The following NRCAM variants were observed in gnomAD, a reference collection of about 807,000 sequenced individuals.
NRCAM encodes neuronal cell adhesion molecule.
In NRCAM, 83 loss-of-function variants were observed where a neutral mutation model predicts 156.5. The ratio of observed to expected loss-of-function variants is 0.53; its 90% CI spans 0.44 to 0.64. The LOEUF is 0.64. Among genes scored for constraint, NRCAM ranks in the 30% least tolerant of loss-of-function variants. The pLI is 0.00. For missense variants in NRCAM, 1,417 were observed against 1,597.3 expected (o/e 0.89, Z 1.92); for synonymous variants, 538 against 563.9 (o/e 0.95, Z 0.65).
At chr7:108,414,103 G>A (rs1798651027) in intron 1 of NRCAM, among the ~76,000 whole-genome samples, 1 of 152,190 alleles carries the variant, frequency 6.6e-6, no homozygotes, top group Non-Finnish European at 1.5e-5. Context: ...GAGGGTCATG[G>A]TAACATAATC....
In NRCAM at chr7:108,342,861, A is replaced by T. The variant is rs553447563; in HGVS notation, c.-173-30130T>A. ...TGAATGGCATACTCACTGCTAAAGG[A>T]GACTTGTGGCTGTCAGACAACCGTT... On this transcript the variant is annotated intron_variant, in intron 2 of 32. Coordinates refer to ENST00000379028, the MANE Select transcript of NRCAM (RefSeq NM_001037132.4). Among the ~76,000 whole-genome samples the T allele has an allele frequency of 2.0e-5, 3 of 152,330 alleles. No homozygotes were observed. In the South Asian group the frequency reaches 6.2e-4, roughly 32 times the overall value.
At chr7:108,199,844 G>A (rs114375584) in intron 13 of NRCAM, among the ~76,000 whole-genome samples, 13 of 152,204 alleles carry the variant, frequency 8.5e-5, no homozygotes, top group African/African-American at 2.4e-4. Flanking sequence ...ACATCATGGC[G>A]GGGTGGGGTA....
At chr7:108,439,669 T>C (rs985145035) in intron 1 of NRCAM, among the ~76,000 whole-genome samples, 3 of 151,834 alleles carry the variant, frequency 2.0e-5, no homozygotes, top group Non-Finnish European at 2.9e-5. Flanking sequence ...AGCCTATCTC[T>C]ACTAAAAATA....
chr7:108,311,083 C>T (rs1193352981), intron 3 of NRCAM, among the ~76,000 whole-genome samples: 3 of 152,294 alleles, frequency 2.0e-5, no homozygotes, highest in East Asian at 3.9e-4. Flanking sequence ...TAAAAGGGCA[C>T]CATGTACTTC....
At chr7:108,306,197 A>G (rs1431549666) in intron 3 of NRCAM, among the ~76,000 whole-genome samples, 8 of 152,220 alleles carry the variant, frequency 5.3e-5, no homozygotes, top group Non-Finnish European at 1.2e-4. Flanking sequence ...TCTTAAAAAT[A>G]TCAAAATGCC....
chr7:108,319,086 T>C (rs578070967), intron 2 of NRCAM, among the ~76,000 whole-genome samples: 2 of 152,172 alleles, frequency 1.3e-5, no homozygotes, highest in Non-Finnish European at 2.9e-5. Flanking sequence ...ACAATATAAA[T>C]GTACTTAATG....
chr7:108,397,098 T>G (rs1449807747), intron 2 of NRCAM, among the ~76,000 whole-genome samples: 1 of 152,102 alleles, frequency 6.6e-6, no homozygotes, highest in Non-Finnish European at 1.5e-5. Flanking sequence ...CAATAAAGAT[T>G]TAGAATAAGA....
At chr7:108,205,758 G>C (rs2080809782) in intron 13 of NRCAM, among the ~76,000 whole-genome samples, 1 of 152,036 alleles carries the variant, frequency 6.6e-6, no homozygotes, top group Non-Finnish European at 1.5e-5. Context: ...CTAATTTTTT[G>C]TTGATTTTTT....
intron 24 of NRCAM, 51 bp downstream of exon 24, chr7:108,181,771 T>C (rs760209387): frequency 2.4e-6 from 3 of 1,269,960 alleles, no homozygotes; most frequent in Non-Finnish European, 3.4e-6. Flanking sequence ...ACAAGTGGCA[T>C]TCGCTGCAGC....
chr7:108,352,720 G>A (rs887818907), intron 2 of NRCAM, among the ~76,000 whole-genome samples: 1 of 151,742 alleles, frequency 6.6e-6, no homozygotes, highest in African/African-American at 2.4e-5. Context: ...TCCCACTTGG[G>A]GGAAAAAAAT....
At chr7:108,392,948 C>T (rs927683883) in intron 2 of NRCAM, among the ~76,000 whole-genome samples, 8 of 152,142 alleles carry the variant, frequency 5.3e-5, no homozygotes, top group East Asian at 1.9e-4. Flanking sequence ...GAGGGGTACC[C>T]AGCCGTGTGG....
chr7:108,354,671 G>A (rs1314583115), intron 2 of NRCAM, among the ~76,000 whole-genome samples: 2 of 151,946 alleles, frequency 1.3e-5, no homozygotes, highest in East Asian at 1.9e-4. Context: ...AAGGTGGGTG[G>A]ATCACCTGAG....
intron 1 of NRCAM, among the ~76,000 whole-genome samples, chr7:108,423,002 T>C (rs1198204163): frequency 6.6e-6 from 1 of 152,012 alleles, no homozygotes; most frequent in Non-Finnish European, 1.5e-5. Context: ...TCCTGCCTCC[T>C]GCCCAGGGAA....
chr7:108,182,906 G>T lies in NRCAM; in HGVS notation c.2319C>A (p.Phe773Leu). The change falls in exon 23 of 33, where the codon TTC becomes TTA. Residue 773 changes from phenylalanine (F) to leucine (L), a missense_variant. By Grantham distance (22) the Phe-to-Leu change is conservative. Coordinates refer to ENST00000379028, the MANE Select transcript of NRCAM (RefSeq NM_001037132.4). ...ACTGAAGGCCTGGCCCATTAGATTC[G>T]AAACCATTCAAGGGCTACAAGGAAA... ...LVITWKPLNG[F>L]ESNGPGLQYK... The T allele has an allele frequency of 6.2e-7, 1 of 1,614,122 alleles. No individual in the cohort carries two copies. The highest frequency in any genetic ancestry group is 8.5e-7 in the Non-Finnish European group (1 of 1,179,988).
chr7:108,392,569 A>G (rs1019049746), intron 2 of NRCAM, among the ~76,000 whole-genome samples: 9 of 151,910 alleles, frequency 5.9e-5, no homozygotes, highest in African/African-American at 1.7e-4. Flanking sequence ...TCTTCTCTCA[A>G]CTCGTCAAAG....
At chr7:108,163,326 C>A (rs912100643) in intron 30 of NRCAM, among the ~76,000 whole-genome samples, 4 of 152,136 alleles carry the variant, frequency 2.6e-5, no homozygotes, top group African/African-American at 9.7e-5. Flanking sequence ...TGCTTGCTGT[C>A]ATGGATATCT....
At chr7:108,208,288 G>C (rs1331902887) in intron 12 of NRCAM, among the ~76,000 whole-genome samples, 3 of 152,110 alleles carry the variant, frequency 2.0e-5, no homozygotes, top group East Asian at 1.9e-4. Context: ...CTGGGCAACA[G>C]AGCGAGACTC....
chr7:108,212,929 C>T (rs1285561356), intron 11 of NRCAM, among the ~76,000 whole-genome samples: 1 of 152,030 alleles, frequency 6.6e-6, no homozygotes, highest in Admixed American at 6.6e-5. Context: ...AAAAGATGTC[C>T]AGGCACATTG....
At chr7:108,189,444 G>T (rs982286597) in intron 20 of NRCAM, among the ~76,000 whole-genome samples, 12 of 152,110 alleles carry the variant, frequency 7.9e-5, no homozygotes, top group African/African-American at 2.4e-4. Context: ...GCAATTAAGG[G>T]GTGTCCTATT....
Sources: allele counts gnomAD v4.1 joint callset (sites outside exome capture counted in the v4.1 genomes callset), GRCh38; gene constraint gnomAD v4.1.1; transcripts MANE v1.5; gene names NCBI Gene and HGNC (gene_info 2026-07-23, HGNC 2026-07-21).